CLASP1: variants seen among roughly 807,000 people sequenced by gnomAD.
CLASP1 encodes the protein cytoplasmic linker associated protein 1.
CLASP1 carries 38 observed loss-of-function variants against 192.3 expected under a neutral mutation model. The observed-to-expected ratio is 0.20, with a 90% CI of 0.15 to 0.26. The LOEUF is 0.26. Ranked by LOEUF, CLASP1 falls within the 10% of genes least tolerant of loss-of-function variation. CLASP1 has a pLI of 1.00. For synonymous variants in CLASP1, 691 were observed against 712.8 expected (o/e 0.97, Z 0.49); for missense variants, 1,433 against 1,932.5 (o/e 0.74, Z 4.85).
At chr2:121,506,590 A>G (rs145199608) in intron 7 of CLASP1, among the ~76,000 whole-genome samples, 1 of 152,282 alleles carries the variant, frequency 6.6e-6, no homozygotes, top group African/African-American at 2.4e-5. Context: ...GGTCACGTAT[A>G]TGTGCAAGGC....
chr2:121,581,974 G>A (rs1264321969), intron 2 of CLASP1, among the ~76,000 whole-genome samples: 1 of 152,072 alleles, frequency 6.6e-6, no homozygotes, highest in Non-Finnish European at 1.5e-5. Flanking sequence ...CTTGAGGCCA[G>A]GAGTTCAAGA....
intron 10 of CLASP1, 115 bp downstream of exon 10, chr2:121,462,417 T>A: frequency 1.6e-6 from 1 of 615,834 alleles, no homozygotes. Context: ...CCTGTAGTGC[T>A]GACAGTTAAA....
At chr2:121,375,589 C>G (rs1442502691) in intron 34 of CLASP1, among the ~76,000 whole-genome samples, 2 of 152,084 alleles carry the variant, frequency 1.3e-5, no homozygotes, top group Non-Finnish European at 2.9e-5. Flanking sequence ...GTCTCGATCT[C>G]TTGACCTCAT....
At chr2:121,411,172 C>G (rs1218285843) in intron 23 of CLASP1, among the ~76,000 whole-genome samples, 36 of 152,164 alleles carry the variant, frequency 2.4e-4, no homozygotes, top group Admixed American at 2.4e-3. Flanking sequence ...CACTGTCACT[C>G]GAAATTGTTC....
At chr2:121,499,788 A>C (rs2093669405) in intron 8 of CLASP1, among the ~76,000 whole-genome samples, 1 of 151,896 alleles carries the variant, frequency 6.6e-6, no homozygotes, top group South Asian at 2.1e-4. Context: ...AGGCCTTTTT[A>C]AATAAACTTC....
intron 9 of CLASP1, among the ~76,000 whole-genome samples, chr2:121,466,260 T>C (rs2089554072): frequency 6.6e-6 from 1 of 152,176 alleles, no homozygotes; most frequent in African/African-American, 2.4e-5. Flanking sequence ...AAAAGTAAAA[T>C]GTTTTAAAAT....
chr2:121,530,650 G>A (rs1041826805), intron 2 of CLASP1: 15 of 526,098 alleles, frequency 2.9e-5, no homozygotes, highest in Non-Finnish European at 4.8e-5. Flanking sequence ...CGAGAAAAGC[G>A]TATGCAAATT....
chr2:121,608,214 G>A (rs75724348), intron 1 of CLASP1, among the ~76,000 whole-genome samples: 4,584 of 152,166 alleles, frequency 0.03, 105 homozygotes, highest in Non-Finnish European at 0.038. Context: ...TCAACGATAC[G>A]GGAAAACTTA....
At chr2:121,419,248 C>A (rs2079095208) in intron 22 of CLASP1, among the ~76,000 whole-genome samples, 1 of 152,170 alleles carries the variant, frequency 6.6e-6, no homozygotes, top group African/African-American at 2.4e-5. Flanking sequence ...CCCAGGCTGG[C>A]CATCTTCACC....
At chr2:121,430,123 G>A in exon 20 of CLASP1, 1 of 1,578,904 alleles carries the variant, frequency 6.3e-7, no homozygotes, top group African/African-American at 1.3e-5. Context: ...GTTATCAGGT[G>A]TAGAGGCGAC....
At chr2:121,567,396 G>T (rs2059600018) in intron 2 of CLASP1, among the ~76,000 whole-genome samples, 1 of 152,136 alleles carries the variant, frequency 6.6e-6, no homozygotes, top group African/African-American at 2.4e-5. Flanking sequence ...TCTCCAGACT[G>T]CTCCAGCATT....
intron 2 of CLASP1, among the ~76,000 whole-genome samples, chr2:121,565,098 C>T (rs2059391486): frequency 6.6e-6 from 1 of 152,178 alleles, no homozygotes; most frequent in Non-Finnish European, 1.5e-5. Context: ...TTGCCTCCCA[C>T]CACTAGACTA....
At chr2:121,635,551 T>C (rs935655805) in intron 1 of CLASP1, among the ~76,000 whole-genome samples, 1 of 152,194 alleles carries the variant, frequency 6.6e-6, no homozygotes, top group African/African-American at 2.4e-5. Flanking sequence ...ATCTGGACTA[T>C]AGATTACAAA....
chr2:121,568,589 A>G (rs1004014584), intron 2 of CLASP1, among the ~76,000 whole-genome samples: 1 of 151,534 alleles, frequency 6.6e-6, no homozygotes, highest in African/African-American at 2.4e-5. Context: ...ATTTTTCCAC[A>G]TAACTGAGGA....
At chr2:121,383,409 C>T (rs999261697) in intron 32 of CLASP1, among the ~76,000 whole-genome samples, 2 of 152,180 alleles carry the variant, frequency 1.3e-5, no homozygotes, top group African/African-American at 4.8e-5. Flanking sequence ...GGGTCAGATG[C>T]ACACACTGGG....
intron 30 of CLASP1, among the ~76,000 whole-genome samples, chr2:121,396,172 GA>G (rs1201172160): frequency 1.3e-5 from 2 of 152,192 alleles, no homozygotes; most frequent in Non-Finnish European, 2.9e-5. Flanking sequence ...AAATTCCTCT[GA>G]AGATCAGGAT....
At chr2:121,568,939 T>G (rs559090047) in intron 2 of CLASP1, among the ~76,000 whole-genome samples, 1 of 152,266 alleles carries the variant, frequency 6.6e-6, no homozygotes, top group African/African-American at 2.4e-5. Flanking sequence ...CTGGCTGTCC[T>G]GAGCTGGTGT....
intron 1 of CLASP1, among the ~76,000 whole-genome samples, chr2:121,637,305 C>T (rs1290965364): frequency 6.6e-6 from 1 of 151,578 alleles, no homozygotes; most frequent in Non-Finnish European, 1.5e-5. Context: ...AGTCAAAAAC[C>T]CAAAGCAAAC....
intron 1 of CLASP1, among the ~76,000 whole-genome samples, chr2:121,610,959 G>T (rs2065310975): frequency 1.3e-5 from 2 of 149,478 alleles, no homozygotes; most frequent in African/African-American, 2.5e-5. Context: ...AACTGGAGGA[G>T]GAGGAGGAGT....
Sources: gnomAD v4.1 joint callset for allele counts (sites outside exome capture counted in the v4.1 genomes callset) on GRCh38, gnomAD v4.1.1 for gene constraint, MANE v1.5 for transcripts, NCBI Gene and HGNC (gene_info 2026-07-23, HGNC 2026-07-21) for gene names.